SOCS2: variants seen among roughly 807,000 people sequenced by gnomAD.
The protein encoded by SOCS2 is CIS-2.
SOCS2 carries 10 observed loss-of-function variants against 18.6 expected under a neutral mutation model. The observed-to-expected ratio is 0.54, with a 90% CI of 0.33 to 0.91. The LOEUF (loss-of-function observed/expected upper bound fraction) is 0.91. SOCS2 is among the 40% of genes least tolerant of loss of function. The probability of loss-of-function intolerance (pLI) is 0.02; values close to 1 mark genes in which losing one functional copy is unlikely to be tolerated. For synonymous variants in SOCS2, 104 were observed against 104.0 expected, an observed-to-expected ratio of 1.00 and a Z score of 0.00; for missense variants, 231 against 247.2, an observed-to-expected ratio of 0.93 and a Z score of 0.44.
the SOCS2 span, among the ~76,000 whole-genome samples, chr12:93,598,264 C>A: frequency 6.6e-6 from 1 of 152,052 alleles, no homozygotes; most frequent in Non-Finnish European, 1.5e-5. Context: ...GGAAGGGCAA[C>A]AAGCACAATG....
At chr12:93,614,535 CCTTCCTT>C in the SOCS2 span, among the ~76,000 whole-genome samples, 13 of 88,392 alleles carry the variant, frequency 1.5e-4, no homozygotes, top group Admixed American at 5.6e-4. Context: ...TTCCTTCCTT[CCTTCCTT>C]CTTTCTTTCT....
chr12:93,595,221 G>A, the SOCS2 span, among the ~76,000 whole-genome samples: 1 of 152,040 alleles, frequency 6.6e-6, no homozygotes, highest in Non-Finnish European at 1.5e-5. Flanking sequence ...ATTTTACTGA[G>A]TTCCACACTG....
At chr12:93,606,264 GGGT>G in the SOCS2 span, among the ~76,000 whole-genome samples, 1 of 152,104 alleles carries the variant, frequency 6.6e-6, no homozygotes, top group South Asian at 2.1e-4. Flanking sequence ...ATAAAAATTG[GGGT>G]TCTATTCCTG....
intron 1 of SOCS2, chr12:93,574,001 G>C (rs1402145060): frequency 6.6e-6 from 1 of 152,240 alleles, no homozygotes; most frequent in Non-Finnish European, 1.5e-5. Context: ...ATTGGGTTTG[G>C]ATTAGGGCAA....
downstream of SOCS2, among the ~76,000 whole-genome samples, chr12:93,577,388 C>T (rs541574426): frequency 9.3e-4 from 141 of 152,166 alleles, 1 homozygote; most frequent in African/African-American, 3.2e-3. Flanking sequence ...TTATTGTGAA[C>T]CAGGTTCTCA....
chr12:93,600,731 A>G, the SOCS2 span, among the ~76,000 whole-genome samples: 3 of 147,584 alleles, frequency 2.0e-5, no homozygotes, highest in African/African-American at 7.5e-5. Context: ...TTTTTTTACT[A>G]TTGTTAATGG....
downstream of SOCS2, among the ~76,000 whole-genome samples, chr12:93,581,615 C>A (rs1395962529): frequency 2.0e-5 from 3 of 152,222 alleles, no homozygotes; most frequent in South Asian, 2.1e-4. Flanking sequence ...TCTAATAGAT[C>A]AGGGCCTCTT....
the SOCS2 span, among the ~76,000 whole-genome samples, chr12:93,606,779 A>G: frequency 6.6e-6 from 1 of 152,072 alleles, no homozygotes; most frequent in South Asian, 2.1e-4. Context: ...CAGCCTCCTG[A>G]GCAGCTGGGA....
chr12:93,572,512 T>G, upstream of SOCS2: 1 of 397,720 alleles, frequency 2.5e-6, no homozygotes, highest in South Asian at 2.1e-5. The surrounding 1 kb of genome is among the most constrained non-coding windows in gnomAD (Gnocchi z 5.0). Context: ...CTCTGCTCTC[T>G]TTATCTTTTC....
At chr12:93,602,488 C>T in the SOCS2 span, among the ~76,000 whole-genome samples, 3 of 152,100 alleles carry the variant, frequency 2.0e-5, no homozygotes, top group Non-Finnish European at 4.4e-5. Context: ...TACAACATAT[C>T]GGCATGAGAA....
the SOCS2 span, among the ~76,000 whole-genome samples, chr12:93,603,997 GT>G: frequency 6.6e-6 from 1 of 152,190 alleles, no homozygotes; most frequent in South Asian, 2.1e-4. Flanking sequence ...ACAAATGATA[GT>G]TTGGTTGCCA....
the SOCS2 span, among the ~76,000 whole-genome samples, chr12:93,602,828 G>A: frequency 6.6e-6 from 1 of 152,214 alleles, no homozygotes; most frequent in Non-Finnish European, 1.5e-5. Context: ...CGAGGAGAGG[G>A]TGGTGACAGG....
chr12:93,614,516 C>T, the SOCS2 span, among the ~76,000 whole-genome samples: 1 of 75,450 alleles, frequency 1.3e-5, no homozygotes, highest in African/African-American at 7.5e-5. Flanking sequence ...TCCTTCCTTC[C>T]TTCCTTCCTT....
At chr12:93,571,902 G>C (rs781728952), upstream of SOCS2, 4 of 427,152 alleles carry the variant, frequency 9.4e-6, no homozygotes, top group African/African-American at 8.6e-5. Context: ...CGGCGGCCGC[G>C]GCCGAGGTCG....
the SOCS2 span, among the ~76,000 whole-genome samples, chr12:93,599,988 T>C: frequency 6.6e-5 from 10 of 152,236 alleles, no homozygotes; most frequent in Non-Finnish European, 1.5e-4. Context: ...CAGTTTTAGC[T>C]TGTCTTTTCA....
the SOCS2 span, among the ~76,000 whole-genome samples, chr12:93,599,820 A>G: frequency 6.6e-6 from 1 of 152,214 alleles, no homozygotes; most frequent in Non-Finnish European, 1.5e-5. Flanking sequence ...AAGATGATGT[A>G]GCAAGAAGGC....
At chr12:93,577,638 A>C (rs1428948262), downstream of SOCS2, among the ~76,000 whole-genome samples, 1 of 151,666 alleles carries the variant, frequency 6.6e-6, no homozygotes, top group Non-Finnish European at 1.5e-5. Flanking sequence ...TGGTGTTTTT[A>C]CTGCTGTTCA....
At chr12:93,624,350 A>C in the SOCS2 span, among the ~76,000 whole-genome samples, 1 of 152,308 alleles carries the variant, frequency 6.6e-6, no homozygotes, top group Non-Finnish European at 1.5e-5. Flanking sequence ...AGGCGGGTGG[A>C]TCACGAGGTC....
the SOCS2 span, among the ~76,000 whole-genome samples, chr12:93,624,284 C>T: frequency 1.3e-5 from 2 of 152,146 alleles, no homozygotes. Flanking sequence ...ATGAAAAATA[C>T]ATTTCTGGCC....
Sources: gnomAD v4.1 joint callset for allele counts (sites outside exome capture counted in the v4.1 genomes callset) on GRCh38, gnomAD v4.1.1 for gene constraint, Gnocchi (gnomAD v3.1) non-coding constraint, MANE v1.5 for transcripts, NCBI Gene and HGNC (gene_info 2026-07-23, HGNC 2026-07-21) for gene names.